PAAF1: variants seen among roughly 807,000 people sequenced by gnomAD.
The protein encoded by PAAF1 is proteasomal ATPase associated factor 1.
PAAF1 carries 46 observed loss-of-function variants against 52.8 expected under a neutral mutation model. That is an observed-to-expected ratio of 0.87 (90% CI 0.69 to 1.11). PAAF1 has a LOEUF of 1.11. Ranked by LOEUF, PAAF1 falls within the 50% of genes most tolerant of loss-of-function variation. The pLI is 0.00. For synonymous variants in PAAF1, 178 were observed against 172.8 expected (o/e 1.03, Z -0.24); for missense variants, 424 against 477.4 (o/e 0.89, Z 1.04).
intron 4 of PAAF1, among the ~76,000 whole-genome samples, chr11:73,896,644 G>A (rs1215631947): frequency 1.3e-5 from 2 of 151,982 alleles, no homozygotes; most frequent in East Asian, 1.9e-4. Context: ...GGATCCCAAG[G>A]CAGAAGAATT....
chr11:73,923,702 A>AT (rs1950286166), intron 10 of PAAF1, among the ~76,000 whole-genome samples: 1 of 151,828 alleles, frequency 6.6e-6, no homozygotes, highest in Admixed American at 6.6e-5. Context: ...TGCTCGGCTA[A>AT]TTTTTTTTGT....
At position 73,902,595 on chromosome 11, in the gene PAAF1, G is replaced by C. The variant is rs538860653; in HGVS notation, c.532+2175G>C. 3.9e-5 allele frequency among the ~76,000 whole-genome samples: 6 copies of C among 152,306 alleles called. No homozygotes were observed. In the East Asian group the frequency reaches 1.2e-3, roughly 29 times the overall value. On this transcript the variant is annotated intron_variant, in intron 6 of 11. Coordinates refer to ENST00000310571, the MANE Select transcript of PAAF1 (RefSeq NM_025155.3). ...ATACCTTTGGATCACTGCAATTATT[G>C]TTCCCTTTACAGAATCCTAAGTCTC...
chr11:73,891,521 A>G lies in PAAF1; in HGVS notation c.282+320A>G, dbSNP rs147990569. Among the ~76,000 whole-genome samples the G allele has an allele frequency of 3.1e-3, 479 of 152,318 alleles. 3 individuals are homozygous for G. The highest frequency in any genetic ancestry group is 0.011 in the African/African-American group (441 of 41,576). ...CTAGGTGCAGTGGCTCACACCTGCA[A>G]TCCTAGCACTTTGGGAGGCAGAGGC... On this transcript the variant is annotated intron_variant, in intron 4 of 11. Coordinates refer to ENST00000310571, the MANE Select transcript of PAAF1 (RefSeq NM_025155.3).
At position 73,928,103 on chromosome 11, in the gene PAAF1, C is replaced by T. The variant is rs1010513604; in HGVS notation, c.*741C>T. On this transcript the variant is annotated 3_prime_UTR_variant, in exon 12 of 12. Transcript: ENST00000310571. The stretch of plus-strand genomic sequence containing the variant: ...GCATCAGTATCACCTGGGAACTTGA[C>T]AGGAAATAGAAATTGTTAGGCCCAA... 1 of 152,202 alleles carries T rather than the reference C, an allele frequency of 6.6e-6. No homozygotes were observed. The highest frequency in any genetic ancestry group is 1.5e-5 in the Non-Finnish European group (1 of 68,058). 9.4% of individuals were successfully genotyped at this position (152,202 alleles called of 1,614,324 possible). A position where few individuals can be genotyped will look rare whatever the true frequency, so the allele number is the denominator to read the frequency against.
At chr11:73,891,015 G>C in intron 3 of PAAF1, 97 bp from the exon 4 acceptor site, 1 of 719,936 alleles carries the variant, frequency 1.4e-6, no homozygotes, top group South Asian at 1.6e-5. Flanking sequence ...GAGAAGATGA[G>C]AATGTCCTGT....
chr11:73,877,295 G>C, intron 1 of PAAF1: 1 of 385,784 alleles, frequency 2.6e-6, no homozygotes, highest in Non-Finnish European at 4.6e-6. Context: ...CCCCGCGTCA[G>C]AACTAGTATC....
chr11:73,901,592 A>G (rs1045690019), intron 6 of PAAF1, among the ~76,000 whole-genome samples: 1 of 151,500 alleles, frequency 6.6e-6, no homozygotes, highest in East Asian at 1.9e-4. Flanking sequence ...GTGTGTGGAG[A>G]TCAAGTTTTA....
chr11:73,884,368 T>C (rs965709686), intron 2 of PAAF1, among the ~76,000 whole-genome samples: 1 of 152,094 alleles, frequency 6.6e-6, no homozygotes, highest in African/African-American at 2.4e-5. Flanking sequence ...TAGCTGGGCA[T>C]GGTGGCATGC....
intron 4 of PAAF1, among the ~76,000 whole-genome samples, chr11:73,896,508 G>A (rs544356618): frequency 1.3e-5 from 2 of 150,780 alleles, no homozygotes; most frequent in Non-Finnish European, 3.0e-5. Context: ...CTCTTAAGGA[G>A]CATGCTGCCT....
chr11:73,916,228 A>C (rs1388608749), intron 8 of PAAF1, among the ~76,000 whole-genome samples: 1 of 152,130 alleles, frequency 6.6e-6, no homozygotes, highest in African/African-American at 2.4e-5. Context: ...AGTTGTCATG[A>C]AAAAGGGGCA....
intron 6 of PAAF1, among the ~76,000 whole-genome samples, chr11:73,908,283 A>ATATGTGTG (rs1565143511): frequency 3.4e-5 from 5 of 146,496 alleles, no homozygotes; most frequent in African/African-American, 1.2e-4. Flanking sequence ...ATGTGTATAT[A>ATATGTGTG]TGTATATATA....
At position 73,912,383 on chromosome 11, in the gene PAAF1, G is replaced by T. The variant is rs1157049885; in HGVS notation, c.728-2030G>T. 5.3e-5 allele frequency among the ~76,000 whole-genome samples: 8 copies of T among 152,144 alleles called. No individual in the cohort carries two copies. The East Asian group carries it at 5.8e-4, about 11-fold the overall frequency. On this transcript the variant is annotated intron_variant, in intron 7 of 11. Coordinates refer to ENST00000310571, the MANE Select transcript of PAAF1 (RefSeq NM_025155.3). ...TTTTTCCATCTCAGAAGATGGCACC[G>T]CTATCTACCCATTTGCTCAAGCCCA...
chr11:73,925,154 C>T (rs1321232911), intron 11 of PAAF1, among the ~76,000 whole-genome samples: 6 of 127,926 alleles, frequency 4.7e-5, no homozygotes, highest in African/African-American at 1.9e-4. Flanking sequence ...GAGACTCCAT[C>T]TCAAAAAAAA....
chr11:73,904,893 T>C (rs1400707386), intron 6 of PAAF1, among the ~76,000 whole-genome samples: 1 of 152,252 alleles, frequency 6.6e-6, no homozygotes, highest in African/African-American at 2.4e-5. Flanking sequence ...AATCTTTTCT[T>C]GAAGGCAAAT....
Position 73,928,860 on chromosome 11 carries a change from C to T in PAAF1, c.*1498C>T, listed in dbSNP as rs1318808212. ...CCTCCCTAGTAGCTGGGACTGCAGGCATGCACCACCATGCCCGGCTAATAT... is the reference window on the plus strand; with the variant it reads ...CCTCCCTAGTAGCTGGGACTGCAGGTATGCACCACCATGCCCGGCTAATAT... On this transcript the variant is annotated 3_prime_UTR_variant, in exon 12 of 12. Coordinates refer to ENST00000310571, the MANE Select transcript of PAAF1 (RefSeq NM_025155.3). 2 of 152,180 alleles carry T rather than the reference C, an allele frequency of 1.3e-5. No individual in the cohort carries two copies. Among genetic ancestry groups the T allele is most frequent in the African/African-American group, 4.8e-5 (2 of 41,430 alleles). The allele number at this position is 152,180 out of a possible 1,614,324, so 9.4% of individuals were successfully genotyped here. A position where few individuals can be genotyped will look rare whatever the true frequency, so the allele number is the denominator to read the frequency against.
At position 73,914,450 on chromosome 11, in the gene PAAF1, C is replaced by G. The variant is rs150921516; in HGVS notation, c.765C>G (p.Leu255=). Residue 255 remains leucine, a synonymous_variant, in exon 8 of 12, where the codon CTC becomes CTG. Coordinates refer to ENST00000310571, the MANE Select transcript of PAAF1 (RefSeq NM_025155.3). Reference sequence around the variant, plus strand: ...TTGGAACAGAGGCCAAAATGCTGCTCTTGGCCCGGGAAGATAAGAAACTTC... The same window carrying G: ...TTGGAACAGAGGCCAAAATGCTGCTGTTGGCCCGGGAAGATAAGAAACTTC... The part of the protein sequence containing the change: ...REVGTEAKML[L]LAREDKKLQC... 4.3e-4 allele frequency: 694 copies of G among 1,613,920 alleles called. 1 individual carries two copies. Among genetic ancestry groups the G allele is most frequent in the Non-Finnish European group, 5.5e-4 (650 of 1,179,976 alleles).
chr11:73,921,519 T>C (rs1023109750), intron 10 of PAAF1: 1 of 518,812 alleles, frequency 1.9e-6, no homozygotes, highest in African/African-American at 1.9e-5. Flanking sequence ...CCCAAATTCT[T>C]GATCAAGAGT....
At chr11:73,917,113 C>T (rs1225503326) in intron 9 of PAAF1, among the ~76,000 whole-genome samples, 1 of 152,064 alleles carries the variant, frequency 6.6e-6, no homozygotes, top group Non-Finnish European at 1.5e-5. Flanking sequence ...CTTTGCCTCC[C>T]GGGTTCAAGC....
intron 10 of PAAF1, chr11:73,922,191 A>G (rs1026290535): frequency 1.2e-6 from 1 of 868,998 alleles, no homozygotes; most frequent in Non-Finnish European, 1.9e-6. Flanking sequence ...GTAAGCTGGC[A>G]TCTTGGTGGC....
Sources: gnomAD v4.1 joint callset for allele counts (sites outside exome capture counted in the v4.1 genomes callset) on GRCh38, gnomAD v4.1.1 for gene constraint, MANE v1.5 for transcripts, NCBI Gene and HGNC (gene_info 2026-07-23, HGNC 2026-07-21) for gene names.